Variants in MLLT3 observed in about 807,000 individuals in gnomAD.
The protein encoded by MLLT3 is MLLT3 super elongation complex subunit.
In MLLT3, 4 loss-of-function variants were observed where a neutral mutation model predicts 53.2. That is an observed-to-expected ratio of 0.08 (90% CI 0.04 to 0.17). The LOEUF (loss-of-function observed/expected upper bound fraction) is 0.17. Among genes scored for constraint, MLLT3 ranks in the 10% least tolerant of loss-of-function variants. The pLI is 1.00. For missense variants in MLLT3, 569 were observed against 684.0 expected, an observed-to-expected ratio of 0.83 and a Z score of 1.87; for synonymous variants, 283 against 230.6, an observed-to-expected ratio of 1.23 and a Z score of -2.06.
At chr9:20,395,061 G>A (rs1822286666) in intron 5 of MLLT3, among the ~76,000 whole-genome samples, 1 of 152,092 alleles carries the variant, frequency 6.6e-6, no homozygotes, top group Admixed American at 6.6e-5. Flanking sequence ...AAGCGTCAGA[G>A]GAACTAAACC....
chr9:20,384,947 A>G (rs530492466), intron 5 of MLLT3, among the ~76,000 whole-genome samples: 2 of 152,250 alleles, frequency 1.3e-5, no homozygotes, highest in African/African-American at 4.8e-5. Flanking sequence ...GTGGTGGTCT[A>G]GATTATCTGG....
In MLLT3 at chr9:20,616,043, A is replaced by G. The variant is rs79037064; in HGVS notation, c.193+4611T>C. Among the ~76,000 whole-genome samples the G allele has an allele frequency of 9.9e-3, 1,508 of 152,242 alleles. 66 individuals are homozygous for G. In the East Asian group the frequency reaches 0.14, roughly 14 times the overall value. On this transcript the variant is annotated intron_variant, in intron 2 of 10. Transcript: ENST00000380338. ...ATGTCTCCATTTTAATTTCTAATAC[A>G]CTAAAATTAATAGATATAACTTACA...
At chr9:20,456,609 A>G (rs1823977287) in intron 3 of MLLT3, 95 bp downstream of exon 3, 2 of 851,796 alleles carry the variant, frequency 2.3e-6, no homozygotes, top group African/African-American at 1.7e-5. Flanking sequence ...AAAATCATCT[A>G]GTGACAGAAG....
At position 20,621,165 on chromosome 9, in the gene MLLT3, G is replaced by A. The variant is rs562635459; in HGVS notation, c.13-331C>T. On this transcript the variant is annotated intron_variant, in intron 1 of 10. Transcript: ENST00000380338. The surrounding 1 kb of genome is among the most constrained non-coding windows in gnomAD (Gnocchi z 7.0). Reference sequence around the variant, plus strand: ...CGACAAGCACGACAACAAATGCATCGGAAACAAATCAGAAGGCGATGCCGG... The same window carrying A: ...CGACAAGCACGACAACAAATGCATCAGAAACAAATCAGAAGGCGATGCCGG... Among the ~76,000 whole-genome samples the A allele has an allele frequency of 2.9e-4, 44 of 152,236 alleles. No individual in the cohort carries two copies. The highest frequency in any genetic ancestry group is 5.6e-4 in the Non-Finnish European group (38 of 68,046).
At chr9:20,377,748 G>C (rs1407044497) in intron 5 of MLLT3, among the ~76,000 whole-genome samples, 1 of 152,078 alleles carries the variant, frequency 6.6e-6, no homozygotes, top group East Asian at 1.9e-4. Context: ...TATCATGGCA[G>C]TGGCATTAAG....
At chr9:20,522,016 T>C (rs1479143493) in intron 2 of MLLT3, among the ~76,000 whole-genome samples, 1 of 151,810 alleles carries the variant, frequency 6.6e-6, no homozygotes, top group African/African-American at 2.4e-5. Flanking sequence ...AGTTTTTTTT[T>C]TTTTTAACAC....
intron 2 of MLLT3, among the ~76,000 whole-genome samples, chr9:20,488,417 T>C (rs1410422154): frequency 1.3e-5 from 2 of 152,118 alleles, no homozygotes; most frequent in Non-Finnish European, 2.9e-5. Flanking sequence ...ATCAAACTGA[T>C]AATCTAAACT....
At chr9:20,536,207 A>AC (rs1245657944) in intron 2 of MLLT3, among the ~76,000 whole-genome samples, 203 of 150,164 alleles carry the variant, frequency 1.4e-3, no homozygotes, top group African/African-American at 4.9e-3. Flanking sequence ...ACAAAACAAA[A>AC]AAACTGGACA....
At chr9:20,431,835 T>A (rs543613756) in intron 4 of MLLT3, among the ~76,000 whole-genome samples, 10 of 152,252 alleles carry the variant, frequency 6.6e-5, no homozygotes, top group African/African-American at 2.4e-4. Context: ...ACAAATCTTA[T>A]AATGCTGAAT....
intron 2 of MLLT3, among the ~76,000 whole-genome samples, chr9:20,489,010 G>A (rs1206250109): frequency 1.3e-5 from 2 of 152,140 alleles, no homozygotes; most frequent in Non-Finnish European, 2.9e-5. Flanking sequence ...TTCTTGGGGG[G>A]AAGATAGACA....
At chr9:20,578,465 G>A (rs1819709939) in intron 2 of MLLT3, among the ~76,000 whole-genome samples, 1 of 151,862 alleles carries the variant, frequency 6.6e-6, no homozygotes. Context: ...ACTGCTTAAA[G>A]CCAAGAGTTC....
At chr9:20,504,984 T>C (rs760321606) in intron 2 of MLLT3, among the ~76,000 whole-genome samples, 1 of 152,038 alleles carries the variant, frequency 6.6e-6, no homozygotes, top group Non-Finnish European at 1.5e-5. Flanking sequence ...TAGGAAAAAT[T>C]ACTAAGTTCA....
rs749239229 is a variant in MLLT3, at chr9:20,414,345, ACTGCTGCTGCTGCTG to A, written c.486_500del (p.Ser186_Ser190del). 3.3e-6 allele frequency: 5 copies of A among 1,493,368 alleles called. No homozygotes were observed. Among genetic ancestry groups the A allele is most frequent in the African/African-American group, 1.5e-5 (1 of 68,790 alleles). The allele number at this position is 1,493,368 out of a possible 1,614,324, so 92.5% of individuals were successfully genotyped here. Reference sequence around the variant, plus strand: ...TGCTGCTGCTGCTGCTGCTGCTGCTACTGCTGCTGCTGCTGCTGCTGCTGCTGCTGCTACTGCTGC... The same window carrying A: ...TGCTGCTGCTGCTGCTGCTGCTGCTACTGCTGCTGCTGCTGCTACTGCTGC... On this transcript the variant is annotated inframe_deletion, in exon 5 of 11. Transcript: ENST00000380338.
intron 5 of MLLT3, among the ~76,000 whole-genome samples, chr9:20,386,649 T>A (rs555163189): frequency 6.6e-6 from 1 of 152,284 alleles, no homozygotes; most frequent in South Asian, 2.1e-4. Flanking sequence ...ATTCTAAAGA[T>A]GTGCTGGAAT....
At chr9:20,506,095 T>C (rs988834330) in intron 2 of MLLT3, among the ~76,000 whole-genome samples, 1 of 150,854 alleles carries the variant, frequency 6.6e-6, no homozygotes. Flanking sequence ...TTTTTTGAGA[T>C]GTAGTCTCCA....
intron 2 of MLLT3, among the ~76,000 whole-genome samples, chr9:20,489,015 T>C (rs546919490): frequency 7.9e-5 from 12 of 152,314 alleles, no homozygotes; most frequent in South Asian, 6.2e-4. Context: ...GGGGGGAAGA[T>C]AGACATATTT....
chr9:20,590,636 C>T (rs1011593276), intron 2 of MLLT3, among the ~76,000 whole-genome samples: 2 of 152,208 alleles, frequency 1.3e-5, no homozygotes, highest in East Asian at 1.9e-4. Flanking sequence ...CCTCTCCAGC[C>T]ATGTGGAGCT....
intron 2 of MLLT3, among the ~76,000 whole-genome samples, chr9:20,566,070 G>A (rs199733083): frequency 5.3e-5 from 7 of 131,248 alleles, no homozygotes; most frequent in East Asian, 2.1e-4. Context: ...ATATATTTGT[G>A]TATATATATA....
Position 20,583,584 on chromosome 9 carries a change from G to A in MLLT3, c.193+37070C>T, listed in dbSNP as rs979300272. On this transcript the variant is annotated intron_variant, in intron 2 of 10. Transcript: ENST00000380338. Reference sequence around the variant, plus strand: ...CCATACATCTTCTGCAATCTAGGCAGAGGTTCCCAAACCTCAATCCTTGAC... The same window carrying A: ...CCATACATCTTCTGCAATCTAGGCAAAGGTTCCCAAACCTCAATCCTTGAC... Among the ~76,000 whole-genome samples, 11 of 152,306 alleles carry A rather than the reference G, an allele frequency of 7.2e-5. 1 individual carries two copies. The highest frequency in any genetic ancestry group is 6.5e-4 in the Admixed American group (10 of 15,292).
Sources: gnomAD v4.1 joint callset for allele counts (sites outside exome capture counted in the v4.1 genomes callset) on GRCh38, gnomAD v4.1.1 for gene constraint, Gnocchi (gnomAD v3.1) non-coding constraint, MANE v1.5 for transcripts, NCBI Gene and HGNC (gene_info 2026-07-23, HGNC 2026-07-21) for gene names.